Variants in CAMK4 observed in about 807,000 individuals in gnomAD.
The protein encoded by CAMK4 is calcium/calmodulin dependent protein kinase IV.
In CAMK4, 22 loss-of-function variants were observed where a neutral mutation model predicts 44.9. The ratio of observed to expected loss-of-function variants is 0.49; its 90% CI spans 0.35 to 0.70. The LOEUF (loss-of-function observed/expected upper bound fraction) is 0.70, where lower values mean the gene tolerates loss of function less well. CAMK4 is among the 30% of genes least tolerant of loss of function. The pLI is 0.01. For missense variants in CAMK4, 498 were observed against 586.8 expected (o/e 0.85, Z 1.56); for synonymous variants, 218 against 215.4 (o/e 1.01, Z -0.11).
intron 2 of CAMK4, among the ~76,000 whole-genome samples, chr5:111,352,854 A>G (rs1750172599): frequency 6.6e-6 from 1 of 152,090 alleles, no homozygotes; most frequent in Admixed American, 6.6e-5. Context: ...TCAAATTTCC[A>G]ATACATGAAC....
Position 111,482,690 on chromosome 5 carries a change from T to A in CAMK4, c.829-95T>A. On this transcript the variant is annotated intron_variant, in intron 9 of 10. Transcript: ENST00000282356. This position sits in a 1 kb window ranked among gnomAD's most constrained non-coding sequence, Gnocchi z 4.9. ...TCTCACATATATTTAGTGGTACTGCTGGGAAATGGAATAAGATCTGGAAGT... is the reference window on the plus strand; with the variant it reads ...TCTCACATATATTTAGTGGTACTGCAGGGAAATGGAATAAGATCTGGAAGT... 1 of 1,052,264 alleles carries A rather than the reference T, an allele frequency of 9.5e-7. No individual in the cohort carries two copies. The highest frequency in any genetic ancestry group is 1.4e-6 in the Non-Finnish European group (1 of 717,616). The allele number at this position is 1,052,264 out of a possible 1,614,324, so 65.2% of individuals were successfully genotyped here.
chr5:111,248,707 T>C (rs1365198304), intron 1 of CAMK4, among the ~76,000 whole-genome samples: 1 of 152,192 alleles, frequency 6.6e-6, no homozygotes. Flanking sequence ...CTTATTGTGA[T>C]GATATATTAT....
chr5:111,339,580 TC>T (rs1295147157), intron 1 of CAMK4, among the ~76,000 whole-genome samples: 1 of 151,474 alleles, frequency 6.6e-6, no homozygotes, highest in East Asian at 1.9e-4. Context: ...GTTCCATTGC[TC>T]TATGTGTTTA....
At chr5:111,324,260 C>T (rs908997248) in intron 1 of CAMK4, among the ~76,000 whole-genome samples, 1 of 151,512 alleles carries the variant, frequency 6.6e-6, no homozygotes, top group African/African-American at 2.4e-5. Flanking sequence ...AATTCAAAGG[C>T]AGAGATTGAT....
At chr5:111,405,327 G>A (rs936346668) in intron 5 of CAMK4, among the ~76,000 whole-genome samples, 1 of 152,256 alleles carries the variant, frequency 6.6e-6, no homozygotes. Context: ...AATTAGCTGG[G>A]CATGGTGGTG....
chr5:111,326,235 A>G lies in CAMK4; in HGVS notation c.162-17789A>G, dbSNP rs575233905. Among the ~76,000 whole-genome samples the G allele has an allele frequency of 3.9e-5, 6 of 152,074 alleles. 1 individual carries two copies. The South Asian group carries it at 1.2e-3, about 32-fold the overall frequency. ...GCAAGACTGTTGAAGAAAACAAGCA[A>G]AAAAATGAAGTCCAATATTAGGGAT... On this transcript the variant is annotated intron_variant, in intron 1 of 10. Coordinates refer to ENST00000282356, the MANE Select transcript of CAMK4 (RefSeq NM_001744.6).
intron 1 of CAMK4, among the ~76,000 whole-genome samples, chr5:111,316,223 G>A (rs115609824): frequency 0.024 from 3,648 of 152,112 alleles, 70 homozygotes; most frequent in Non-Finnish European, 0.037. Flanking sequence ...CCACAGTAAC[G>A]GGGCAGGAGA....
intron 5 of CAMK4, among the ~76,000 whole-genome samples, chr5:111,434,588 G>A (rs1753582157): frequency 6.6e-6 from 1 of 152,210 alleles, no homozygotes; most frequent in Non-Finnish European, 1.5e-5. Context: ...AACCAGGCCT[G>A]TTGAGCTGGT....
chr5:111,430,746 G>A (rs1411448060), intron 5 of CAMK4, among the ~76,000 whole-genome samples: 1 of 151,960 alleles, frequency 6.6e-6, no homozygotes, highest in Non-Finnish European at 1.5e-5. Context: ...ACTTACCCAA[G>A]GAAGTGAAAG....
chr5:111,482,381 A>G lies in CAMK4; in HGVS notation c.829-404A>G, dbSNP rs1187319876. 6.5e-6 allele frequency: 1 copy of G among 154,954 alleles called. No homozygotes were observed. Among genetic ancestry groups the G allele is most frequent in the Non-Finnish European group, 1.4e-5 (1 of 70,022 alleles). The allele number at this position is 154,954 out of a possible 1,614,324, so 9.6% of individuals were successfully genotyped here. On this transcript the variant is annotated intron_variant, in intron 9 of 10. Coordinates refer to ENST00000282356, the MANE Select transcript of CAMK4 (RefSeq NM_001744.6). The surrounding 1 kb of genome is among the most constrained non-coding windows in gnomAD (Gnocchi z 4.9). The stretch of plus-strand genomic sequence containing the variant: ...CCATTTAATCCCCACAGAAAGAATG[A>G]TGATGCATGAATGATTCCATTCTGT...
intron 1 of CAMK4, among the ~76,000 whole-genome samples, chr5:111,325,237 A>G (rs185661254): frequency 6.6e-6 from 1 of 152,140 alleles, no homozygotes; most frequent in East Asian, 1.9e-4. Flanking sequence ...TATATATGCC[A>G]CATTTTCTTT....
At chr5:111,343,622 C>T (rs1037241441) in intron 1 of CAMK4, among the ~76,000 whole-genome samples, 1 of 151,672 alleles carries the variant, frequency 6.6e-6, no homozygotes, top group Non-Finnish European at 1.5e-5. Flanking sequence ...TAACCTAAAC[C>T]CTCTCCCTGA....
intron 8 of CAMK4, 40 bp from the exon 9 acceptor site, chr5:111,478,341 C>CTT (rs769915303): frequency 1.5e-6 from 2 of 1,328,540 alleles, no homozygotes; most frequent in Non-Finnish European, 2.1e-6. Context: ...TATACTTGAG[C>CTT]TTTTAAAGAC....
Position 111,442,154 on chromosome 5 carries a change from A to G in CAMK4, c.460-4532A>G, listed in dbSNP as rs1426560814. ...CTAGGCATCCCTGGAGGATCCTGAT[A>G]TCCTGTTAGGGGGTTCTGTGATGTC... is the stretch of plus-strand genomic sequence containing the variant. On this transcript the variant is annotated intron_variant, in intron 5 of 10. Coordinates refer to ENST00000282356, the MANE Select transcript of CAMK4 (RefSeq NM_001744.6). 3.3e-5 allele frequency among the ~76,000 whole-genome samples: 5 copies of G among 152,154 alleles called. No individual in the cohort carries two copies. The South Asian group carries it at 1.0e-3, about 32-fold the overall frequency.
chr5:111,456,351 CAT>C (rs1754414146), intron 7 of CAMK4, among the ~76,000 whole-genome samples: 2 of 152,080 alleles, frequency 1.3e-5, no homozygotes, highest in East Asian at 1.9e-4. Context: ...ATTAGCCGGG[CAT>C]GATGGCGAGC....
chr5:111,434,386 A>G (rs1022289935), intron 5 of CAMK4, among the ~76,000 whole-genome samples: 1 of 152,126 alleles, frequency 6.6e-6, no homozygotes, highest in Non-Finnish European at 1.5e-5. Flanking sequence ...TATGAGACAT[A>G]TTTTGGAGGT....
rs1229977852 is a variant in CAMK4, at chr5:111,427,480, G to T, written c.460-19206G>T. Among the ~76,000 whole-genome samples the T allele has an allele frequency of 3.9e-5, 6 of 152,258 alleles. No individual in the cohort carries two copies. The South Asian group carries it at 1.0e-3, about 26-fold the overall frequency. Reference sequence around the variant, plus strand: ...TCTGATTCCAGAACTTGAATCTTGGGTGGCAATTTTGGACCCGCCCTACCC... The same window carrying T: ...TCTGATTCCAGAACTTGAATCTTGGTTGGCAATTTTGGACCCGCCCTACCC... On this transcript the variant is annotated intron_variant, in intron 5 of 10. Coordinates refer to ENST00000282356, the MANE Select transcript of CAMK4 (RefSeq NM_001744.6).
chr5:111,395,211 CAAAAAAAAAAAAAAAA>C (rs1751954478), intron 5 of CAMK4, among the ~76,000 whole-genome samples: 6 of 90,680 alleles, frequency 6.6e-5, no homozygotes, highest in African/African-American at 2.2e-4. Flanking sequence ...GACCCTGTCT[CAAAAAAAAAAAAAAAA>C]GAAAAAAAAA....
At chr5:111,355,029 T>G (rs115388461) in intron 2 of CAMK4, among the ~76,000 whole-genome samples, 1 of 152,148 alleles carries the variant, frequency 6.6e-6, no homozygotes, top group Non-Finnish European at 1.5e-5. Flanking sequence ...TGGCCACTTT[T>G]AACTTCTTAC....
Sources: gnomAD v4.1 joint callset for allele counts (sites outside exome capture counted in the v4.1 genomes callset) on GRCh38, gnomAD v4.1.1 for gene constraint, Gnocchi (gnomAD v3.1) non-coding constraint, MANE v1.5 for transcripts, NCBI Gene and HGNC (gene_info 2026-07-23, HGNC 2026-07-21) for gene names.